The following CMBL variants were observed in gnomAD, a reference collection of about 807,000 sequenced individuals.
The protein encoded by CMBL is carboxymethylenebutenolidase homolog (Pseudomonas).
In CMBL, 17 loss-of-function variants were observed where a neutral mutation model predicts 28.7. The ratio of observed to expected loss-of-function variants is 0.59; its 90% CI spans 0.41 to 0.89. The LOEUF (loss-of-function observed/expected upper bound fraction) is 0.89. CMBL is among the 40% of genes least tolerant of loss of function. The pLI, the probability that CMBL is intolerant of heterozygous loss-of-function variation, is 0.00. For missense variants in CMBL, 310 were observed against 298.5 expected, an observed-to-expected ratio of 1.04 and a Z score of -0.28; for synonymous variants, 106 against 101.6, an observed-to-expected ratio of 1.04 and a Z score of -0.26.
At chr5:10,288,318 A>G in intron 3 of CMBL, 104 bp downstream of exon 3, 1 of 821,218 alleles carries the variant, frequency 1.2e-6, no homozygotes, top group East Asian at 2.5e-5. Flanking sequence ...GCCATGGAGA[A>G]GTCCTACCCC....
chr5:10,298,626 C>T (rs1194027584), intron 1 of CMBL, among the ~76,000 whole-genome samples: 1 of 152,210 alleles, frequency 6.6e-6, no homozygotes. Context: ...AGTGCGGTGG[C>T]TCACACCTGT....
At chr5:10,299,755 G>A (rs1746863938) in intron 1 of CMBL, among the ~76,000 whole-genome samples, 1 of 152,002 alleles carries the variant, frequency 6.6e-6, no homozygotes, top group Non-Finnish European at 1.5e-5. Flanking sequence ...GGAGGCTGAG[G>A]TGGAAGGATT....
chr5:10,280,557 G>A lies in CMBL; in HGVS notation c.634C>T (p.His212Tyr). The A allele has an allele frequency of 6.2e-7, 1 of 1,613,838 alleles. No individual in the cohort carries two copies. The highest frequency in any genetic ancestry group is 8.5e-7 in the Non-Finnish European group (1 of 1,179,784). The change falls in exon 6 of 6, where the codon CAT (histidine) becomes TAT (tyrosine). Residue 212 changes from histidine (H) to tyrosine (Y), a missense_variant. Physicochemically the swap from His to Tyr is moderately conservative, Grantham distance 83. Transcript: ENST00000296658. ...YQIKTFSGQT[H>Y]GFVHRKREDC... The stretch of plus-strand genomic sequence containing the variant: ...TCTCTCTTCCGATGCACGAACCCAT[G>A]AGTCTGCCCAGAAAATGTTTTAATT...
rs1561063213 is a variant in CMBL, at chr5:10,289,852, T to TC, written c.215+695dup. Among the ~76,000 whole-genome samples, 18 of 151,800 alleles carry TC rather than the reference T, an allele frequency of 1.2e-4. No individual in the cohort carries two copies. The highest frequency in any genetic ancestry group is 7.9e-4 in the Admixed American group (12 of 15,256). ...TAGGCTCATCCTCGGGTTTCCAGCT[T>TC]CTCCTTCTGTGAAAACAAAGGAAAT... On this transcript the variant is annotated intron_variant, in intron 2 of 5. Coordinates refer to ENST00000296658, the MANE Select transcript of CMBL (RefSeq NM_138809.4). The surrounding 1 kb of genome is among the most constrained non-coding windows in gnomAD (Gnocchi z 4.3).
Position 10,280,498 on chromosome 5 carries a change from G to T in CMBL, c.693C>A (p.Asp231Glu), listed in dbSNP as rs187492563. ...DCSPADKPYI[D>E]EARRNLIEWL... ...ACTCAATTAAATTCCTTCTGGCCTC[G>T]TCAATGTAGGGCTTGTCTGCAGGTG... Residue 231 changes from aspartate to glutamate, a missense_variant, in exon 6 of 6, where the codon GAC becomes GAA. Coordinates refer to ENST00000296658, the MANE Select transcript of CMBL (RefSeq NM_138809.4). 2.5e-6 allele frequency: 4 copies of T among 1,611,210 alleles called. No homozygotes were observed. The highest frequency in any genetic ancestry group is 4.5e-5 in the East Asian group (2 of 44,838).
chr5:10,290,838 A>G, intron 1 of CMBL, 57 bp from the exon 2 acceptor site: 1 of 1,302,132 alleles, frequency 7.7e-7, no homozygotes, highest in Non-Finnish European at 1.1e-6. Flanking sequence ...AAGGCTATAA[A>G]TGGTAAGTAA....
intron 1 of CMBL, among the ~76,000 whole-genome samples, chr5:10,291,394 G>A (rs1746713228): frequency 6.6e-6 from 1 of 152,218 alleles, no homozygotes; most frequent in Non-Finnish European, 1.5e-5. Context: ...CGGGCGCGGT[G>A]GCTCACGCCT....
At chr5:10,286,194 C>T (rs1746601665) in intron 4 of CMBL, 160 bp downstream of exon 4, 4 of 691,228 alleles carry the variant, frequency 5.8e-6, no homozygotes, top group South Asian at 4.9e-5. Flanking sequence ...GCATGACAAA[C>T]CTCCACCTCT....
intron 4 of CMBL, among the ~76,000 whole-genome samples, chr5:10,285,822 C>T (rs191965363): frequency 2.0e-5 from 3 of 151,454 alleles, no homozygotes; most frequent in Admixed American, 6.6e-5. Flanking sequence ...CCTCAGCCTC[C>T]GGAGTAGCTA....
intron 1 of CMBL, among the ~76,000 whole-genome samples, chr5:10,305,435 T>C (rs1746984449): frequency 6.6e-6 from 1 of 151,236 alleles, no homozygotes; most frequent in African/African-American, 2.4e-5. Flanking sequence ...GATTTGCTTG[T>C]GTGAGGCAGA....
intron 4 of CMBL, among the ~76,000 whole-genome samples, chr5:10,283,298 T>C (rs147420335): frequency 5.6e-4 from 86 of 152,320 alleles, no homozygotes; most frequent in Admixed American, 3.3e-3. Context: ...AGAGGATCAA[T>C]GTCAAACCTT....
rs1179251874 is a variant in CMBL, at chr5:10,279,240, A to G, written c.*1213T>C. On this transcript the variant is annotated 3_prime_UTR_variant, in exon 6 of 6. Transcript: ENST00000296658. Reference sequence around the variant, plus strand: ...AACAGCTGGGTGACAACTCTAGCCCACCGTTCTCTGCTATCTTTTTAAAAA... The same window carrying G: ...AACAGCTGGGTGACAACTCTAGCCCGCCGTTCTCTGCTATCTTTTTAAAAA... 1.3e-5 allele frequency: 2 copies of G among 152,196 alleles called. No individual in the cohort carries two copies. 9.4% of individuals were successfully genotyped at this position (152,196 alleles called of 1,614,324 possible).
intron 1 of CMBL, among the ~76,000 whole-genome samples, chr5:10,297,839 C>T (rs953794571): frequency 1.3e-5 from 2 of 152,046 alleles, no homozygotes; most frequent in East Asian, 1.9e-4. Flanking sequence ...AGGCTGAGGA[C>T]GTGGACACAG....
intron 1 of CMBL, among the ~76,000 whole-genome samples, chr5:10,299,670 T>A (rs1442250118): frequency 6.8e-6 from 1 of 146,758 alleles, no homozygotes; most frequent in Admixed American, 6.8e-5. Context: ...TAAAACCCCA[T>A]CTCTCCAAAA....
intron 1 of CMBL, among the ~76,000 whole-genome samples, chr5:10,293,919 G>A (rs1463864585): frequency 6.6e-6 from 1 of 152,250 alleles, no homozygotes; most frequent in Admixed American, 6.5e-5. Flanking sequence ...AGCAGAGAAG[G>A]AAAGAAGACA....
Position 10,280,374 on chromosome 5 carries a change from A to G in CMBL, c.*79T>C. The G allele has an allele frequency of 9.4e-7, 1 of 1,065,462 alleles. No individual in the cohort carries two copies. Among genetic ancestry groups the G allele is most frequent in the Non-Finnish European group, 1.3e-6 (1 of 757,634 alleles). The allele number at this position is 1,065,462 out of a possible 1,614,324, so 66.0% of individuals were successfully genotyped here. A position where few individuals can be genotyped will look rare whatever the true frequency, so the allele number is the denominator to read the frequency against. On this transcript the variant is annotated 3_prime_UTR_variant, in exon 6 of 6. Transcript: ENST00000296658. The stretch of plus-strand genomic sequence containing the variant: ...CTACACTTATTTTATAAAAGTGAAA[A>G]TTAAATCAAATGATCTAACTATTTC...
chr5:10,286,237 A>G, intron 4 of CMBL, 117 bp downstream of exon 4: 1 of 999,326 alleles, frequency 1.0e-6, no homozygotes, highest in East Asian at 2.5e-5. Flanking sequence ...TTTCCATAAG[A>G]TGGGCAGTCT....
At position 10,280,501 on chromosome 5, in the gene CMBL, A is replaced by G. The variant is rs1208850447; in HGVS notation, c.690T>C (p.Ile230=). 6.2e-7 allele frequency: 1 copy of G among 1,611,682 alleles called. No homozygotes were observed. Among genetic ancestry groups the G allele is most frequent in the Non-Finnish European group, 8.5e-7 (1 of 1,178,194 alleles). The change falls in exon 6 of 6, where the codon ATT becomes ATC. Residue 230 remains isoleucine (I), a synonymous_variant. Transcript: ENST00000296658. ...EDCSPADKPY[I]DEARRNLIEW... is the part of the protein sequence containing the mutation. ...CAATTAAATTCCTTCTGGCCTCGTC[A>G]ATGTAGGGCTTGTCTGCAGGTGAGC...
Position 10,286,458 on chromosome 5 carries a change from C to A in CMBL, c.362G>T (p.Cys121Phe), listed in dbSNP as rs376709839. Reference protein sequence around the residue: ...SAILKYLKQQCHAQKIGIVGF... With the variant: ...SAILKYLKQQFHAQKIGIVGF... ...CACGATGCCAATTTTCTGGGCATGACACTGTTGTTTCAGATACTTCAAGAT... is the reference window on the plus strand; with the variant it reads ...CACGATGCCAATTTTCTGGGCATGAAACTGTTGTTTCAGATACTTCAAGAT... Residue 121 changes from cysteine to phenylalanine, a missense_variant, in exon 4 of 6, where the codon TGT (cysteine) becomes TTT (phenylalanine). Coordinates refer to ENST00000296658, the MANE Select transcript of CMBL (RefSeq NM_138809.4). 1 of 1,613,968 alleles carries A rather than the reference C, an allele frequency of 6.2e-7. No homozygotes were observed. Among genetic ancestry groups the A allele is most frequent in the Non-Finnish European group, 8.5e-7 (1 of 1,179,964 alleles).
Sources: allele counts gnomAD v4.1 joint callset (sites outside exome capture counted in the v4.1 genomes callset), GRCh38; gene constraint gnomAD v4.1.1; non-coding constraint Gnocchi (gnomAD v3.1); transcripts MANE v1.5; gene names NCBI Gene and HGNC (gene_info 2026-07-23, HGNC 2026-07-21).